Variants in FAM78B observed in about 807,000 individuals in gnomAD.
FAM78B encodes family with sequence similarity 78 member B.
FAM78B carries 10 observed loss-of-function variants against 20.0 expected under a neutral mutation model. That is an observed-to-expected ratio of 0.50 (90% confidence interval 0.31 to 0.85). FAM78B has a LOEUF of 0.85. FAM78B is among the 40% of genes least tolerant of loss of function. The pLI is 0.05. For missense variants in FAM78B, 283 were observed against 345.0 expected (o/e 0.82, Z 1.42); for synonymous variants, 135 against 132.8 (o/e 1.02, Z -0.12).
At chr1:166,129,173 T>G (rs994768041) in intron 1 of FAM78B, among the ~76,000 whole-genome samples, 12 of 152,210 alleles carry the variant, frequency 7.9e-5, no homozygotes, top group Non-Finnish European at 2.9e-5. Context: ...GAGCCCCTGC[T>G]GTGGGCGCAC....
chr1:166,150,036 C>T (rs1655615225), intron 1 of FAM78B, among the ~76,000 whole-genome samples: 5 of 152,188 alleles, frequency 3.3e-5, no homozygotes, highest in Admixed American at 3.3e-4. Context: ...GGAACAGGTG[C>T]AGAGAAACCT....
At chr1:166,161,466 G>A (rs1656145990) in intron 1 of FAM78B, among the ~76,000 whole-genome samples, 1 of 152,206 alleles carries the variant, frequency 6.6e-6, no homozygotes, top group Admixed American at 6.5e-5. Flanking sequence ...AAAGGTTTAA[G>A]CAAGAAACTA....
At chr1:166,086,809 T>C (rs1652848963) in intron 1 of FAM78B, among the ~76,000 whole-genome samples, 2 of 152,064 alleles carry the variant, frequency 1.3e-5, no homozygotes, top group Admixed American at 1.3e-4. Context: ...CTGTCTGCAG[T>C]TGGCAGAGGT....
intron 1 of FAM78B, among the ~76,000 whole-genome samples, chr1:166,162,046 G>A (rs777859408): frequency 2.0e-5 from 3 of 152,136 alleles, no homozygotes; most frequent in South Asian, 2.1e-4. Flanking sequence ...CAGGAACAGC[G>A]GAAAAATAGC....
At chr1:166,160,408 G>A (rs753438682) in intron 1 of FAM78B, among the ~76,000 whole-genome samples, 13 of 152,220 alleles carry the variant, frequency 8.5e-5, no homozygotes, top group Non-Finnish European at 1.6e-4. Flanking sequence ...CAGCATGTAG[G>A]TGATACGAGA....
At chr1:166,114,555 C>A (rs1654186984) in intron 1 of FAM78B, among the ~76,000 whole-genome samples, 1 of 152,174 alleles carries the variant, frequency 6.6e-6, no homozygotes, top group Non-Finnish European at 1.5e-5. Flanking sequence ...AAATGCACTG[C>A]AAGCAAGAAA....
At chr1:166,122,276 T>C (rs981962304) in intron 1 of FAM78B, among the ~76,000 whole-genome samples, 1 of 152,128 alleles carries the variant, frequency 6.6e-6, no homozygotes, top group Non-Finnish European at 1.5e-5. Flanking sequence ...CAGATCAGCC[T>C]GAAAGCAGGA....
chr1:166,084,235 A>ACTCTCTCT (rs1482456707), intron 1 of FAM78B, among the ~76,000 whole-genome samples: 1 of 119,966 alleles, frequency 8.3e-6, no homozygotes, highest in South Asian at 2.9e-4. Context: ...ACACACACAC[A>ACTCTCTCT]CACTCTCTCT....
chr1:166,166,115 T>C lies in FAM78B; in HGVS notation c.134A>G (p.Lys45Arg), dbSNP rs1423207329. 1.2e-5 allele frequency: 20 copies of C among 1,611,954 alleles called. No individual in the cohort carries two copies. The highest frequency in any genetic ancestry group is 1.6e-5 in the Non-Finnish European group (19 of 1,179,084). The change falls in exon 1 of 2, where the codon AAG becomes AGG. Residue 45 changes from lysine (K) to arginine (R), a missense_variant. Physicochemically the swap from Lys to Arg is conservative, Grantham distance 26. Transcript: ENST00000354422. Reference protein sequence around the residue: ...EETSPIVLRYKTPYFKASARV... With the variant: ...EETSPIVLRYRTPYFKASARV... ...GGCGGAGGCTTTGAAGTAGGGGGTC[T>C]TGTAGCGCAGGACGATGGGCGAGGT...
At chr1:166,147,270 C>G (rs1655496960) in intron 1 of FAM78B, among the ~76,000 whole-genome samples, 1 of 152,180 alleles carries the variant, frequency 6.6e-6, no homozygotes. Context: ...CAGTCAGCCT[C>G]TCTTACTGGC....
intron 1 of FAM78B, among the ~76,000 whole-genome samples, chr1:166,163,486 A>G (rs375484566): frequency 2.6e-5 from 4 of 152,328 alleles, no homozygotes; most frequent in African/African-American, 9.6e-5. Context: ...CTCTGGCACA[A>G]TCCTTTTCAA....
intron 1 of FAM78B, among the ~76,000 whole-genome samples, chr1:166,132,810 A>G (rs1301421305): frequency 6.6e-6 from 1 of 152,228 alleles, no homozygotes; most frequent in Non-Finnish European, 1.5e-5. Flanking sequence ...TTTATGCCCC[A>G]TATTGTTAGA....
downstream of FAM78B, among the ~76,000 whole-genome samples, chr1:166,069,291 AAAAG>A: frequency 1.0e-5 from 1 of 96,506 alleles, no homozygotes; most frequent in Non-Finnish European, 2.6e-5. Context: ...TCAGAAACTC[AAAAG>A]AAACAGAATG....
At chr1:166,144,224 C>T (rs575865549) in intron 1 of FAM78B, among the ~76,000 whole-genome samples, 1 of 152,096 alleles carries the variant, frequency 6.6e-6, no homozygotes, top group East Asian at 1.9e-4. Context: ...TGTGTGTTAG[C>T]GTTTTCACAG....
chr1:166,148,891 G>A (rs189702764), intron 1 of FAM78B, among the ~76,000 whole-genome samples: 7 of 152,274 alleles, frequency 4.6e-5, no homozygotes, highest in South Asian at 2.1e-4. Flanking sequence ...GAGAATATGC[G>A]GTGTTTGGTT....
chr1:166,138,749 G>C (rs1655168266), intron 1 of FAM78B, among the ~76,000 whole-genome samples: 2 of 152,168 alleles, frequency 1.3e-5, no homozygotes, highest in African/African-American at 4.8e-5. Context: ...TTTTTGAATT[G>C]TTTCTGTTCA....
Position 166,159,572 on chromosome 1 carries a change from G to A in FAM78B, c.263+6414C>T, listed in dbSNP as rs146922010. Among the ~76,000 whole-genome samples the A allele has an allele frequency of 5.5e-3, 836 of 152,202 alleles. 4 individuals are homozygous for A. The highest frequency in any genetic ancestry group is 0.019 in the African/African-American group (776 of 41,536). ...TGGAACATGATGCCTCTGCAGACCT[G>A]CCCCTAAAACAGCATTTGTCCCTGC... On this transcript the variant is annotated intron_variant, in intron 1 of 1. Transcript: ENST00000354422.
downstream of FAM78B, among the ~76,000 whole-genome samples, chr1:166,068,733 T>G (rs1433615561): frequency 6.6e-6 from 1 of 152,146 alleles, no homozygotes; most frequent in Non-Finnish European, 1.5e-5. Flanking sequence ...AAATCCACAA[T>G]GACAATGTGA....
chr1:166,061,072 TG>T (rs1335243673), intron 2 of FAM78B, among the ~76,000 whole-genome samples: 1 of 152,164 alleles, frequency 6.6e-6, no homozygotes, highest in Admixed American at 6.5e-5. Context: ...AACATTCCTG[TG>T]CAAGGGGGTC....
Sources: gnomAD v4.1 joint callset for allele counts (sites outside exome capture counted in the v4.1 genomes callset) on GRCh38, gnomAD v4.1.1 for gene constraint, MANE v1.5 for transcripts, NCBI Gene and HGNC (gene_info 2026-07-23, HGNC 2026-07-21) for gene names.